Variants in PABPN1L observed in about 807,000 individuals in gnomAD.
PABPN1L encodes PABPN1 like, cytoplasmic.
PABPN1L carries 45 observed loss-of-function variants against 34.0 expected under a neutral mutation model. That is an observed-to-expected ratio of 1.32 (90% CI 1.04 to 1.70). The LOEUF (loss-of-function observed/expected upper bound fraction) is 1.70, where lower values mean the gene tolerates loss of function less well. Ranked by LOEUF, PABPN1L falls within the 40% of genes most tolerant of loss-of-function variation. The pLI is 0.00. For missense variants in PABPN1L, 459 were observed against 367.8 expected, an observed-to-expected ratio of 1.25 and a Z score of -2.03; for synonymous variants, 182 against 152.1, an observed-to-expected ratio of 1.20 and a Z score of -1.45.
upstream of PABPN1L, among the ~76,000 whole-genome samples, chr16:88,869,866 C>T (rs1968665667): frequency 6.6e-6 from 1 of 152,246 alleles, no homozygotes; most frequent in African/African-American, 2.4e-5. Context: ...CAGACGGCTC[C>T]GACCCTGGCC....
At chr16:88,867,060 G>A (rs1968619722), upstream of PABPN1L, among the ~76,000 whole-genome samples, 1 of 152,202 alleles carries the variant, frequency 6.6e-6, no homozygotes, top group Non-Finnish European at 1.5e-5. Flanking sequence ...AGGAGAGGCA[G>A]GGCCTGAGCA....
upstream of PABPN1L, among the ~76,000 whole-genome samples, chr16:88,867,320 C>T (rs749600108): frequency 1.3e-4 from 20 of 151,998 alleles, no homozygotes; most frequent in Middle Eastern, 3.2e-3. Context: ...CTTTGCCTCC[C>T]AGGTTCGGGT....
chr16:88,866,671 C>T, upstream of PABPN1L: 2 of 1,458,990 alleles, frequency 1.4e-6, no homozygotes, highest in Non-Finnish European at 1.8e-6. Flanking sequence ...GCGTCCGCAC[C>T]TGCCCAGGCT....
chr16:88,863,879 GGAT>G, intron 6 of PABPN1L, 84 bp from the exon 7 acceptor site: 1 of 1,362,746 alleles, frequency 7.3e-7, no homozygotes, highest in Non-Finnish European at 1.0e-6. Flanking sequence ...AACAGGATAA[GGAT>G]GCAGGGAGGT....
chr16:88,864,865 G>GC lies in PABPN1L; in HGVS notation c.641dup (p.Arg215ProfsTer120), dbSNP rs937715911. 6.2e-7 allele frequency: 1 copy of GC among 1,609,220 alleles called. No homozygotes were observed. The highest frequency in any genetic ancestry group is 8.5e-7 in the Non-Finnish European group (1 of 1,178,542). On this transcript the variant is annotated frameshift_variant, in exon 5 of 7. Transcript: ENST00000419291. LOFTEE classifies it high-confidence loss of function. ...AGCACCGGCGCACCTTGATGACCCG[G>GC]CCCCGGAAGAGGCTCTGGTCCAGCT... is the stretch of plus-strand genomic sequence containing the variant.
chr16:88,863,922 G>T (rs1374499967), intron 6 of PABPN1L, 127 bp from the exon 7 acceptor site: 10 of 1,016,424 alleles, frequency 9.8e-6, no homozygotes, highest in African/African-American at 3.2e-5. Context: ...TGCCCCAGGG[G>T]CCTTTCTGGT....
At chr16:88,868,029 C>T (rs1460665281), upstream of PABPN1L, among the ~76,000 whole-genome samples, 1 of 152,162 alleles carries the variant, frequency 6.6e-6, no homozygotes, top group Non-Finnish European at 1.5e-5. Context: ...AGGGCGTGGC[C>T]TAGGCTGGAG....
rs1968554181 is a variant in PABPN1L, at chr16:88,864,959, A to AGGGGAGG, written c.567-26_567-20dup. 1 of 922,586 alleles carries AGGGGAGG rather than the reference A, an allele frequency of 1.1e-6. No homozygotes were observed. The highest frequency in any genetic ancestry group is 1.7e-5 in the African/African-American group (1 of 58,574). 57.1% of individuals were successfully genotyped at this position (922,586 alleles called of 1,614,324 possible). On this transcript the variant is annotated intron_variant, in intron 4 of 6. Transcript: ENST00000419291. Reference sequence around the variant, plus strand: ...GGCATAACTGAGGGGAGGGGCAGGGAGGGGAGGGGTGAGGCTGGGCCCTGT... The same window carrying AGGGGAGG: ...GGCATAACTGAGGGGAGGGGCAGGGAGGGGAGGGGGGAGGGGTGAGGCTGGGCCCTGT...
chr16:88,870,097 CTT>C (rs1220991147), upstream of PABPN1L, among the ~76,000 whole-genome samples: 3 of 145,112 alleles, frequency 2.1e-5, no homozygotes, highest in Non-Finnish European at 1.5e-5. Context: ...GTTTTCATTT[CTT>C]TTTTTTTTTT....
At chr16:88,868,436 C>T (rs1322481551), upstream of PABPN1L, among the ~76,000 whole-genome samples, 1 of 152,102 alleles carries the variant, frequency 6.6e-6, no homozygotes, top group Admixed American at 6.5e-5. Context: ...AACCCTGTCT[C>T]TACTAAAAAT....
Position 88,864,957 on chromosome 16 carries a change from G to GGAGGT in PABPN1L, c.567-18_567-17insACCTC. ...TAGGCATAACTGAGGGGAGGGGCAG[G>GGAGGT]GAGGGGAGGGGTGAGGCTGGGCCCT... On this transcript the variant is annotated splice_polypyrimidine_tract_variant and intron_variant, in intron 4 of 6. Coordinates refer to ENST00000419291, the Ensembl canonical transcript of PABPN1L. 6.2e-7 allele frequency: 1 copy of GGAGGT among 1,604,766 alleles called. No homozygotes were observed. Among genetic ancestry groups the GGAGGT allele is most frequent in the Non-Finnish European group, 8.5e-7 (1 of 1,175,174 alleles).
upstream of PABPN1L, among the ~76,000 whole-genome samples, chr16:88,869,053 G>T (rs918877191): frequency 6.6e-6 from 1 of 152,218 alleles, no homozygotes; most frequent in African/African-American, 2.4e-5. Context: ...GGAGGCACAG[G>T]CTTCTTCATC....
chr16:88,864,422 G>A lies in PABPN1L; in HGVS notation c.655-43C>T, dbSNP rs534048632. 1.2e-5 allele frequency: 19 copies of A among 1,529,078 alleles called. No homozygotes were observed. The South Asian group carries it at 1.4e-4, about 11-fold the overall frequency. 94.7% of individuals were successfully genotyped at this position (1,529,078 alleles called of 1,614,324 possible). A position where few individuals can be genotyped will look rare whatever the true frequency, so the allele number is the denominator to read the frequency against. On this transcript the variant is annotated intron_variant, in intron 5 of 6. Coordinates refer to ENST00000419291, the Ensembl canonical transcript of PABPN1L. ...TTTGAGTCCTCCTCAAGGAGCAGCC[G>A]AGACCCAGCTCACAGCCCCCGCAGC...
chr16:88,864,485 G>C (rs1488949713), intron 5 of PABPN1L, 106 bp from the exon 6 acceptor site: 128 of 1,431,758 alleles, frequency 8.9e-5, no homozygotes, highest in Non-Finnish European at 1.1e-4. Flanking sequence ...GCCCGGCTCA[G>C]GATACCATTC....
chr16:88,865,430 A>G, intron 3 of PABPN1L, 133 bp downstream of exon 3: 1 of 1,141,860 alleles, frequency 8.8e-7, no homozygotes. Flanking sequence ...GTGTTTCCTC[A>G]AGGTGACGGG....
intron 6 of PABPN1L, 102 bp downstream of exon 6, chr16:88,864,135 T>G (rs1968519762): frequency 1.4e-6 from 2 of 1,400,362 alleles, no homozygotes; most frequent in Admixed American, 2.7e-5. Flanking sequence ...CCAGGTACAT[T>G]CCTGCAGCCC....
Position 88,865,530 on chromosome 16 carries a change from G to A in PABPN1L, c.459+33C>T, listed in dbSNP as rs568537662. The A allele has an allele frequency of 2.6e-5, 42 of 1,597,598 alleles. 1 individual carries two copies. The South Asian group carries it at 3.7e-4, about 14-fold the overall frequency. Reference sequence around the variant, plus strand: ...CTCTGGTAGAGATGGGGCCCCATTCGCTGCCTGCCCCTTCACCCCGCCCAC... The same window carrying A: ...CTCTGGTAGAGATGGGGCCCCATTCACTGCCTGCCCCTTCACCCCGCCCAC... On this transcript the variant is annotated intron_variant, in intron 3 of 6. Transcript: ENST00000419291.
upstream of PABPN1L, among the ~76,000 whole-genome samples, chr16:88,869,971 T>A (rs978589333): frequency 2.0e-5 from 3 of 152,084 alleles, no homozygotes; most frequent in Non-Finnish European, 2.9e-5. Flanking sequence ...CCAGGACAAC[T>A]CCTATTCCAG....
intron 3 of PABPN1L, 59 bp downstream of exon 3, chr16:88,865,504 C>T (rs1334287367): frequency 1.1e-5 from 18 of 1,571,926 alleles, no homozygotes; most frequent in African/African-American, 1.4e-5. Context: ...GGCGCCAGAC[C>T]CTCTGGTAGA....
Sources: allele counts gnomAD v4.1 joint callset (sites outside exome capture counted in the v4.1 genomes callset), GRCh38; gene constraint gnomAD v4.1.1; transcripts MANE v1.5; gene names NCBI Gene and HGNC (gene_info 2026-07-23, HGNC 2026-07-21).